The following HPSE2 variants were observed in gnomAD, a reference collection of about 807,000 sequenced individuals.
HPSE2 encodes inactive heparanase-2.
HPSE2 carries 38 observed loss-of-function variants against 60.5 expected under a neutral mutation model. The ratio of observed to expected loss-of-function variants is 0.63; its 90% CI spans 0.48 to 0.82. HPSE2 has a LOEUF of 0.82. Among genes scored for constraint, HPSE2 ranks in the 40% least tolerant of loss-of-function variants. The pLI is 0.00. For synonymous variants in HPSE2, 295 were observed against 293.2 expected, an observed-to-expected ratio of 1.01 and a Z score of -0.06; for missense variants, 713 against 740.4, an observed-to-expected ratio of 0.96 and a Z score of 0.43.
intron 7 of HPSE2, among the ~76,000 whole-genome samples, chr10:98,626,901 G>C (rs968743119): frequency 1.4e-4 from 21 of 152,192 alleles, no homozygotes; most frequent in African/African-American, 5.1e-4. Flanking sequence ...AGCCTCCTGA[G>C]TAGCTGAGAC....
At chr10:99,094,542 T>TATA (rs1843647910) in intron 3 of HPSE2, among the ~76,000 whole-genome samples, 13 of 14,464 alleles carry the variant, frequency 9.0e-4, no homozygotes, top group South Asian at 3.2e-3. Context: ...ATATATATAT[T>TATA]TTTTTTTTTT....
chr10:99,074,863 T>C (rs965101486), intron 3 of HPSE2, among the ~76,000 whole-genome samples: 2 of 152,192 alleles, frequency 1.3e-5, no homozygotes, highest in Admixed American at 1.3e-4. Flanking sequence ...TAGTCTCTTA[T>C]GATTCTTTGT....
chr10:98,545,961 G>C (rs994767054), intron 9 of HPSE2, among the ~76,000 whole-genome samples: 3 of 147,836 alleles, frequency 2.0e-5, no homozygotes, highest in Non-Finnish European at 3.0e-5. Flanking sequence ...AAAGTCTCAG[G>C]ATACAAAATC....
chr10:99,114,145 G>T (rs527238156), intron 3 of HPSE2, among the ~76,000 whole-genome samples: 14 of 152,156 alleles, frequency 9.2e-5, no homozygotes, highest in Non-Finnish European at 1.6e-4. Context: ...CTTCTTACAG[G>T]TTATTAGCAA....
intron 2 of HPSE2, among the ~76,000 whole-genome samples, chr10:99,192,492 A>G (rs2133863346): frequency 6.6e-6 from 1 of 152,312 alleles, no homozygotes; most frequent in South Asian, 2.1e-4. Context: ...GCTGGAGTGC[A>G]GTCGCACAAT....
chr10:98,918,974 C>CTAGGT (rs780323616), intron 3 of HPSE2, among the ~76,000 whole-genome samples: 4 of 151,982 alleles, frequency 2.6e-5, no homozygotes, highest in Non-Finnish European at 5.9e-5. Flanking sequence ...AAGCATTGTG[C>CTAGGT]TAGGTGCAAG....
chr10:98,850,082 C>A (rs1952132840), intron 3 of HPSE2, among the ~76,000 whole-genome samples: 1 of 152,034 alleles, frequency 6.6e-6, no homozygotes, highest in Non-Finnish European at 1.5e-5. Context: ...AAATCAAATT[C>A]AAAAATATTT....
intron 3 of HPSE2, among the ~76,000 whole-genome samples, chr10:99,004,463 A>C (rs1343031747): frequency 6.6e-6 from 1 of 152,056 alleles, no homozygotes; most frequent in Non-Finnish European, 1.5e-5. Flanking sequence ...TGAGGCTTAC[A>C]TAAAACCTTA....
At chr10:99,181,834 A>G (rs1847790034) in intron 2 of HPSE2, among the ~76,000 whole-genome samples, 1 of 152,158 alleles carries the variant, frequency 6.6e-6, no homozygotes, top group African/African-American at 2.4e-5. Context: ...CTATGTAACA[A>G]ACCTGCACAT....
intron 3 of HPSE2, among the ~76,000 whole-genome samples, chr10:99,036,354 C>T (rs2862503): frequency 0.017 from 2,528 of 152,174 alleles, 104 homozygotes; most frequent in East Asian, 0.16. Flanking sequence ...TCTTGTGTTG[C>T]TAGAAAGACA....
At chr10:99,155,171 A>G (rs1466324876) in intron 2 of HPSE2, among the ~76,000 whole-genome samples, 1 of 141,526 alleles carries the variant, frequency 7.1e-6, no homozygotes, top group Non-Finnish European at 1.5e-5. Flanking sequence ...TTAACACCCC[A>G]CTGTCAACAT....
At chr10:98,531,101 A>C (rs1232179343) in intron 9 of HPSE2, among the ~76,000 whole-genome samples, 1 of 152,204 alleles carries the variant, frequency 6.6e-6, no homozygotes, top group Non-Finnish European at 1.5e-5. Flanking sequence ...TCACCCTCCA[A>C]CATTTTATGC....
chr10:99,185,913 A>G (rs368551390), intron 2 of HPSE2, among the ~76,000 whole-genome samples: 25 of 152,308 alleles, frequency 1.6e-4, no homozygotes, highest in African/African-American at 5.8e-4. Flanking sequence ...AGAGGAAAAA[A>G]GAGTGAAAAA....
At chr10:99,175,553 G>A (rs1002236316) in intron 2 of HPSE2, among the ~76,000 whole-genome samples, 5 of 152,220 alleles carry the variant, frequency 3.3e-5, no homozygotes, top group Admixed American at 2.6e-4. Flanking sequence ...GGCTGCTGTA[G>A]CCATATTGCC....
intron 2 of HPSE2, among the ~76,000 whole-genome samples, chr10:99,187,003 C>T (rs528668428): frequency 1.3e-5 from 2 of 152,034 alleles, no homozygotes; most frequent in African/African-American, 2.4e-5. Flanking sequence ...AGGCTGGTCT[C>T]GAACTCCTGG....
chr10:98,577,331 T>G (rs1944669274), intron 9 of HPSE2, among the ~76,000 whole-genome samples: 1 of 152,198 alleles, frequency 6.6e-6, no homozygotes, highest in Non-Finnish European at 1.5e-5. Flanking sequence ...TAAATAAACA[T>G]CAGATTGCAC....
chr10:99,028,646 T>C (rs1957430976), intron 3 of HPSE2, among the ~76,000 whole-genome samples: 1 of 152,120 alleles, frequency 6.6e-6, no homozygotes, highest in Non-Finnish European at 1.5e-5. Flanking sequence ...CTAAAATGTA[T>C]ATAGAACCAC....
At position 98,869,580 on chromosome 10, in the gene HPSE2, C is replaced by A. The variant is rs115667892; in HGVS notation, c.611-125524G>T. 7.6e-4 allele frequency among the ~76,000 whole-genome samples: 116 copies of A among 152,106 alleles called. 1 individual carries two copies. Among genetic ancestry groups the A allele is most frequent in the African/African-American group, 2.7e-3 (112 of 41,490 alleles). On this transcript the variant is annotated intron_variant, in intron 3 of 11. Transcript: ENST00000370552. ...TACTCCAAATGTGATTATACAGTTCCGTCACAGACTTTCTTCTCTAATTTG... is the reference window on the plus strand; with the variant it reads ...TACTCCAAATGTGATTATACAGTTCAGTCACAGACTTTCTTCTCTAATTTG...
At chr10:99,135,939 A>G (rs1371940300) in intron 3 of HPSE2, among the ~76,000 whole-genome samples, 1 of 152,100 alleles carries the variant, frequency 6.6e-6, no homozygotes, top group East Asian at 1.9e-4. Context: ...CAAAAAATCA[A>G]TGAATCCAGG....
Sources: allele counts gnomAD v4.1 joint callset (sites outside exome capture counted in the v4.1 genomes callset), GRCh38; gene constraint gnomAD v4.1.1; transcripts MANE v1.5; gene names NCBI Gene and HGNC (gene_info 2026-07-23, HGNC 2026-07-21).